Variants in HIVEP3 observed in about 807,000 individuals in gnomAD.
HIVEP3 encodes the protein HIVEP zinc finger 3, also known as transcription factor HIVEP3.
HIVEP3 carries 49 observed loss-of-function variants against 152.8 expected under a neutral mutation model. The observed-to-expected ratio is 0.32, with a 90% CI of 0.26 to 0.41. HIVEP3 has a LOEUF of 0.41. Ranked by LOEUF, HIVEP3 falls within the 10% of genes least tolerant of loss-of-function variation. The pLI is 1.00. For missense variants in HIVEP3, 2,790 were observed against 3,103.3 expected, an observed-to-expected ratio of 0.90 and a Z score of 2.40; for synonymous variants, 1,269 against 1,289.0, an observed-to-expected ratio of 0.98 and a Z score of 0.33.
intron 2 of HIVEP3, among the ~76,000 whole-genome samples, chr1:41,685,831 G>A (rs115163982): frequency 0.016 from 2,383 of 152,202 alleles, 61 homozygotes; most frequent in African/African-American, 0.055. Context: ...GAACCTTTGG[G>A]GTATGTGTAG....
intron 1 of HIVEP3, among the ~76,000 whole-genome samples, chr1:41,927,566 A>C (rs376707362): frequency 6.6e-6 from 1 of 152,220 alleles, no homozygotes; most frequent in South Asian, 2.1e-4. Context: ...GGCATAAGCA[A>C]AAGAGAACTG....
rs1558015687 is a variant in HIVEP3 at position 41,513,065 on chromosome 1, G to T, written c.6156C>A (p.Leu2052=). The T allele has an allele frequency of 6.2e-7, 1 of 1,613,770 alleles. No homozygotes were observed. Among genetic ancestry groups the T allele is most frequent in the Admixed American group, 1.7e-5 (1 of 60,012 alleles). Residue 2052 remains leucine (L), a synonymous_variant, in exon 8 of 9, where the codon CTC becomes CTA. Transcript: ENST00000372583. Reference sequence around the variant, plus strand: ...GGTCGGTGGTACCCTCGAGTTTGGAGAGCACATGTGCTCGAGGGGCCAGTT... The same window carrying T: ...GGTCGGTGGTACCCTCGAGTTTGGATAGCACATGTGCTCGAGGGGCCAGTT... The part of the protein sequence containing the change: ...GRELAPRAHV[L]SKLEGTTDPG...
intron 2 of HIVEP3, among the ~76,000 whole-genome samples, chr1:41,670,700 G>A (rs1342852466): frequency 6.6e-6 from 1 of 152,208 alleles, no homozygotes; most frequent in Non-Finnish European, 1.5e-5. Context: ...TAAATAGGGT[G>A]GTTAGAGTCA....
chr1:41,772,126 C>T (rs1204610886), intron 1 of HIVEP3, among the ~76,000 whole-genome samples: 1 of 152,142 alleles, frequency 6.6e-6, no homozygotes, highest in Non-Finnish European at 1.5e-5. Context: ...TCACTCTTAC[C>T]AGAAGCCACT....
At chr1:41,716,028 C>T (rs751811956) in intron 1 of HIVEP3, among the ~76,000 whole-genome samples, 2 of 152,188 alleles carry the variant, frequency 1.3e-5, no homozygotes, top group Non-Finnish European at 2.9e-5. Context: ...TTGAGGTAGT[C>T]CTTGAAGCAG....
In HIVEP3 at chr1:41,510,237, T is replaced by C. The variant is rs963137916; in HGVS notation, c.*214A>G. On this transcript the variant is annotated 3_prime_UTR_variant, in exon 9 of 9. Transcript: ENST00000372583. ...GGTTGTTGTTTTTTTTTTAAATGTATGTATGTGATTTGTTTTGTTTCTTTT... is the reference window on the plus strand; with the variant it reads ...GGTTGTTGTTTTTTTTTTAAATGTACGTATGTGATTTGTTTTGTTTCTTTT... The C allele has an allele frequency of 6.3e-5, 25 of 397,984 alleles. No individual in the cohort carries two copies. Among genetic ancestry groups the C allele is most frequent in the Admixed American group, 8.8e-5 (2 of 22,766 alleles). 24.7% of individuals were successfully genotyped at this position (397,984 alleles called of 1,614,324 possible).
intron 3 of HIVEP3, among the ~76,000 whole-genome samples, chr1:41,625,815 TAAG>T (rs1030926663): frequency 2.0e-5 from 3 of 152,164 alleles, no homozygotes; most frequent in African/African-American, 7.2e-5. Context: ...AGATAAGAAA[TAAG>T]AATAAAAATG....
At chr1:41,720,287 C>T (rs1446325922) in intron 1 of HIVEP3, among the ~76,000 whole-genome samples, 1 of 152,108 alleles carries the variant, frequency 6.6e-6, no homozygotes, top group Non-Finnish European at 1.5e-5. Flanking sequence ...TCTTGAAGGG[C>T]CTAAAGAAGG....
chr1:41,692,249 G>T (rs917253064), intron 2 of HIVEP3, among the ~76,000 whole-genome samples: 1 of 152,208 alleles, frequency 6.6e-6, no homozygotes, highest in East Asian at 1.9e-4. Context: ...AAGTGTCCAC[G>T]AAAAGGACAC....
chr1:41,935,732 T>TA (rs1645017049), intron 1 of HIVEP3, among the ~76,000 whole-genome samples: 1 of 147,222 alleles, frequency 6.8e-6, no homozygotes, highest in South Asian at 2.1e-4. Context: ...ATATATATAT[T>TA]TATATTATAT....
At chr1:41,837,632 T>A (rs972360536) in intron 1 of HIVEP3, among the ~76,000 whole-genome samples, 90 of 152,184 alleles carry the variant, frequency 5.9e-4, no homozygotes, top group African/African-American at 2.1e-3. Context: ...GGCCTGCTCT[T>A]TTGTCTTCTT....
intron 1 of HIVEP3, among the ~76,000 whole-genome samples, chr1:41,838,511 C>T (rs1015284815): frequency 5.3e-5 from 8 of 152,140 alleles, no homozygotes; most frequent in Admixed American, 5.2e-4. Context: ...ATCTGGCCTC[C>T]CCTTCCCTCC....
Position 41,858,906 on chromosome 1 carries a change from C to A in HIVEP3, c.-801+59507G>T, listed in dbSNP as rs143156715. Among the ~76,000 whole-genome samples the A allele has an allele frequency of 2.4e-3, 360 of 152,150 alleles. 1 individual carries two copies. The highest frequency in any genetic ancestry group is 8.4e-3 in the African/African-American group (348 of 41,512). Reference sequence around the variant, plus strand: ...AATGTCAAGTGCAAAGCTTCCGAGGCAGGAAAGAAGGCCATTGTGGCTGGA... The same window carrying A: ...AATGTCAAGTGCAAAGCTTCCGAGGAAGGAAAGAAGGCCATTGTGGCTGGA... On this transcript the variant is annotated intron_variant, in intron 1 of 8. Transcript: ENST00000372583.
intron 5 of HIVEP3, among the ~76,000 whole-genome samples, chr1:41,540,469 G>T (rs1019494557): frequency 2.0e-5 from 3 of 152,170 alleles, no homozygotes; most frequent in Non-Finnish European, 4.4e-5. Context: ...ACTGGGTTGG[G>T]GCGTGGGGGA....
chr1:41,989,026 G>A (rs1034406134), intron 1 of HIVEP3, among the ~76,000 whole-genome samples: 30 of 152,160 alleles, frequency 2.0e-4, no homozygotes, highest in African/African-American at 7.0e-4. Context: ...CAAACTCATA[G>A]AAGCAGAGAA....
chr1:41,849,340 T>A (rs559324167), intron 1 of HIVEP3, among the ~76,000 whole-genome samples: 6 of 152,350 alleles, frequency 3.9e-5, no homozygotes, highest in African/African-American at 9.6e-5. Flanking sequence ...GACAGTTTCA[T>A]ACTTTAAAAA....
intron 1 of HIVEP3, among the ~76,000 whole-genome samples, chr1:41,750,033 G>A (rs1252536251): frequency 3.3e-5 from 5 of 152,176 alleles, no homozygotes; most frequent in Admixed American, 6.5e-5. Context: ...AAGCTGCTCT[G>A]GTTCTGTAAT....
intron 1 of HIVEP3, among the ~76,000 whole-genome samples, chr1:41,973,847 ATGGCG>A (rs1645244347): frequency 1.3e-5 from 2 of 152,220 alleles, no homozygotes. Context: ...CCAAGAAAGG[ATGGCG>A]TCACCAGCAT....
chr1:41,876,744 C>A (rs11210536), intron 1 of HIVEP3, among the ~76,000 whole-genome samples: 1 of 152,044 alleles, frequency 6.6e-6, no homozygotes, highest in Admixed American at 6.5e-5. Context: ...CCACTCCAGC[C>A]AAGCACATTT....
Sources: allele counts gnomAD v4.1 joint callset (sites outside exome capture counted in the v4.1 genomes callset), GRCh38; gene constraint gnomAD v4.1.1; transcripts MANE v1.5; gene names NCBI Gene and HGNC (gene_info 2026-07-23, HGNC 2026-07-21).